NRXN3: variants seen among roughly 807,000 people sequenced by gnomAD.
The protein encoded by NRXN3 is neurexin 3.
Under a neutral mutation model 137.6 loss-of-function variants are expected in NRXN3, and 32 were observed. That is an observed-to-expected ratio of 0.23 (90% CI 0.18 to 0.31). The LOEUF is 0.31. NRXN3 is among the 10% of genes least tolerant of loss of function. The probability of loss-of-function intolerance (pLI) is 1.00; values close to 1 mark genes in which losing one functional copy is unlikely to be tolerated. For missense variants in NRXN3, 1,574 were observed against 2,062.5 expected (o/e 0.76, Z 4.59); for synonymous variants, 798 against 784.5 (o/e 1.02, Z -0.29).
At chr14:78,975,254 G>A (rs988199741) in intron 14 of NRXN3, among the ~76,000 whole-genome samples, 13 of 152,186 alleles carry the variant, frequency 8.5e-5, no homozygotes, top group African/African-American at 2.2e-4. Context: ...ACACTGGATC[G>A]TGTAGGGTCA....
chr14:79,519,650 C>T (rs571586419), intron 16 of NRXN3, among the ~76,000 whole-genome samples: 1 of 151,788 alleles, frequency 6.6e-6, no homozygotes, highest in African/African-American at 2.4e-5. Context: ...GTATTACATT[C>T]GACCCAAGAA....
intron 16 of NRXN3, among the ~76,000 whole-genome samples, chr14:79,512,187 C>T (rs917738791): frequency 1.3e-5 from 2 of 152,180 alleles, no homozygotes; most frequent in African/African-American, 4.8e-5. Context: ...GCGAGAGCCA[C>T]TGTGCCCGGC....
intron 4 of NRXN3, among the ~76,000 whole-genome samples, chr14:78,623,281 C>G (rs1806643033): frequency 6.6e-6 from 1 of 152,226 alleles, no homozygotes; most frequent in Non-Finnish European, 1.5e-5. Flanking sequence ...TAACCCTTCT[C>G]TCTTTTCAGT....
In NRXN3 at chr14:78,803,608, C is replaced by T; in HGVS notation, c.2045-12C>T. The T allele has an allele frequency of 1.9e-6, 3 of 1,613,414 alleles. No homozygotes were observed. Among genetic ancestry groups the T allele is most frequent in the Non-Finnish European group, 2.5e-6 (3 of 1,179,386 alleles). On this transcript the variant is annotated splice_polypyrimidine_tract_variant and intron_variant, in intron 8 of 20. Coordinates refer to ENST00000335750, the MANE Select transcript of NRXN3 (RefSeq NM_001330195.2). ...CGTCATCCTAACGATCTTCTCCATT[C>T]TTCTTTGGCAGAGGCATCCATCCTG...
chr14:79,114,153 A>T (rs1335351758), intron 15 of NRXN3, among the ~76,000 whole-genome samples: 1 of 152,188 alleles, frequency 6.6e-6, no homozygotes, highest in East Asian at 1.9e-4. Flanking sequence ...AGTTATCACA[A>T]ATAACTAGGA....
chr14:79,762,493 T>C (rs1474486335), intron 19 of NRXN3, among the ~76,000 whole-genome samples: 8 of 151,614 alleles, frequency 5.3e-5, no homozygotes, highest in Admixed American at 5.2e-4. Context: ...TTAATAAATT[T>C]TTTTTCTTAA....
intron 4 of NRXN3, among the ~76,000 whole-genome samples, chr14:78,315,157 G>A (rs992626310): frequency 7.3e-5 from 11 of 151,230 alleles, no homozygotes; most frequent in African/African-American, 1.2e-4. Context: ...GATTACAGGC[G>A]CTTACCAGCT....
intron 15 of NRXN3, among the ~76,000 whole-genome samples, chr14:79,155,017 C>T (rs917773149): frequency 8.6e-5 from 13 of 151,984 alleles, no homozygotes; most frequent in Admixed American, 5.9e-4. Context: ...GTCCACCATA[C>T]AGGTTACCTT....
At chr14:79,369,293 C>T (rs1027887115) in intron 15 of NRXN3, among the ~76,000 whole-genome samples, 9 of 152,040 alleles carry the variant, frequency 5.9e-5, no homozygotes, top group African/African-American at 2.2e-4. Context: ...TGAATTCTTC[C>T]GTCCATTCTA....
chr14:79,624,791 G>GTTT lies in NRXN3; in HGVS notation c.3445-38978_3445-38976dup, dbSNP rs56285610. Among the ~76,000 whole-genome samples, 338 of 120,956 alleles carry GTTT rather than the reference G, an allele frequency of 2.8e-3. 32 individuals carry two copies. Among genetic ancestry groups the GTTT allele is most frequent in the African/African-American group, 0.013 (314 of 24,858 alleles). 79.4% of individuals were successfully genotyped at this position (120,956 alleles called of 152,430 possible). ...CTCTTTCACTCTCTCTTTCTTTCCC[G>GTTT]TTTTTTTTTTTGTTTGTTTTTGTTT... is the stretch of plus-strand genomic sequence containing the variant. On this transcript the variant is annotated intron_variant, in intron 16 of 20. Transcript: ENST00000335750.
chr14:78,770,949 G>A (rs1208653349), intron 8 of NRXN3, among the ~76,000 whole-genome samples: 5 of 152,168 alleles, frequency 3.3e-5, no homozygotes, highest in Non-Finnish European at 5.9e-5. Flanking sequence ...GAGGTAACAC[G>A]TATGAAAGGA....
In NRXN3 at chr14:78,368,351, T is replaced by C. The variant is rs1439260391; in HGVS notation, c.757+70491T>C. Reference sequence around the variant, plus strand: ...AGATTGTGGCCAGGGTTGTCTGGGGTTAAACGTGGGTGCCCTGGTGGGATT... The same window carrying C: ...AGATTGTGGCCAGGGTTGTCTGGGGCTAAACGTGGGTGCCCTGGTGGGATT... On this transcript the variant is annotated intron_variant, in intron 4 of 20. Transcript: ENST00000335750. 3.9e-5 allele frequency among the ~76,000 whole-genome samples: 6 copies of C among 152,222 alleles called. 1 individual carries two copies. The East Asian group carries it at 9.7e-4, about 25-fold the overall frequency.
intron 6 of NRXN3, among the ~76,000 whole-genome samples, chr14:78,654,821 GT>G (rs1158706296): frequency 6.6e-6 from 1 of 152,188 alleles, no homozygotes; most frequent in African/African-American, 2.4e-5. Flanking sequence ...TATTTGCTGA[GT>G]GAAATCACAT....
At chr14:78,573,372 G>C (rs532637931) in intron 4 of NRXN3, among the ~76,000 whole-genome samples, 37 of 152,336 alleles carry the variant, frequency 2.4e-4, no homozygotes, top group Middle Eastern at 3.4e-3. Context: ...GAAGAAAGAA[G>C]ACAGGAAGAT....
intron 1 of NRXN3, among the ~76,000 whole-genome samples, chr14:78,174,055 G>T (rs1315159472): frequency 4.6e-5 from 7 of 152,140 alleles, no homozygotes. Flanking sequence ...CAGTTCATGG[G>T]ATTAGCATGT....
intron 4 of NRXN3, among the ~76,000 whole-genome samples, chr14:78,425,687 C>A (rs1187746466): frequency 6.6e-6 from 1 of 152,156 alleles, no homozygotes; most frequent in Non-Finnish European, 1.5e-5. Context: ...TTGGTGATTT[C>A]AGAAGCAGCC....
At chr14:79,652,628 C>A (rs2098482567) in intron 16 of NRXN3, among the ~76,000 whole-genome samples, 1 of 152,112 alleles carries the variant, frequency 6.6e-6, no homozygotes, top group Admixed American at 6.6e-5. Flanking sequence ...TGAAATAATT[C>A]TCAATGCTAG....
intron 19 of NRXN3, among the ~76,000 whole-genome samples, chr14:79,786,611 G>A (rs1705864204): frequency 6.6e-6 from 1 of 152,182 alleles, no homozygotes. Context: ...ACTGCCTTGT[G>A]TGTTAATGTG....
chr14:78,500,415 G>A (rs573988345), intron 4 of NRXN3, among the ~76,000 whole-genome samples: 62 of 152,196 alleles, frequency 4.1e-4, no homozygotes, highest in African/African-American at 1.5e-3. Context: ...TCTGTTAAAT[G>A]GTTAATGATC....
Sources: gnomAD v4.1 joint callset for allele counts (sites outside exome capture counted in the v4.1 genomes callset) on GRCh38, gnomAD v4.1.1 for gene constraint, MANE v1.5 for transcripts, NCBI Gene and HGNC (gene_info 2026-07-23, HGNC 2026-07-21) for gene names.